KIAA1671: variants seen among roughly 807,000 people sequenced by gnomAD.
KIAA1671 encodes the protein KIAA1671.
A neutral mutation model predicts 131.2 loss-of-function variants in KIAA1671; 52 were observed. The observed-to-expected ratio is 0.40, with a 90% CI of 0.32 to 0.50. The LOEUF (loss-of-function observed/expected upper bound fraction) is 0.50. Ranked by LOEUF, KIAA1671 falls within the 20% of genes least tolerant of loss-of-function variation. The probability of loss-of-function intolerance (pLI) is 0.73; values close to 1 mark genes in which losing one functional copy is unlikely to be tolerated. For synonymous variants in KIAA1671, 1,003 were observed against 961.6 expected, an observed-to-expected ratio of 1.04 and a Z score of -0.80; for missense variants, 2,360 against 2,364.2, an observed-to-expected ratio of 1.00 and a Z score of 0.04.
intron 9 of KIAA1671, among the ~76,000 whole-genome samples, chr22:25,178,102 C>G (rs1336996749): frequency 6.6e-6 from 1 of 152,168 alleles, no homozygotes; most frequent in Non-Finnish European, 1.5e-5. Context: ...CGGGCAGCAG[C>G]TTTGGGATGG....
At chr22:24,965,449 G>C (rs1922250374) in intron 1 of KIAA1671, among the ~76,000 whole-genome samples, 1 of 150,688 alleles carries the variant, frequency 6.6e-6, no homozygotes, top group African/African-American at 2.4e-5. Flanking sequence ...CCCATAAAAA[G>C]ATGAGCTTAG....
chr22:25,193,064 G>A lies in KIAA1671; in HGVS notation c.*663G>A, dbSNP rs1367359712. The A allele has an allele frequency of 6.6e-6, 1 of 151,946 alleles. No homozygotes were observed. The highest frequency in any genetic ancestry group is 2.4e-5 in the African/African-American group (1 of 41,368). The allele number at this position is 151,946 out of a possible 1,614,324, so 9.4% of individuals were successfully genotyped here. On this transcript the variant is annotated 3_prime_UTR_variant, in exon 13 of 13. Transcript: ENST00000358431. ...GCCTATGTTATTGTATGTCATTTTTGTTTGCTTTAGAAGGCGATAAAGCAA... is the reference window on the plus strand; with the variant it reads ...GCCTATGTTATTGTATGTCATTTTTATTTGCTTTAGAAGGCGATAAAGCAA...
chr22:25,025,926 A>G (rs1925924251), intron 2 of KIAA1671, 142 bp downstream of exon 2: 2 of 152,162 alleles, frequency 1.3e-5, no homozygotes, highest in Non-Finnish European at 2.9e-5. Flanking sequence ...TGGCTATTAC[A>G]TATGTATCCT....
intron 1 of KIAA1671, among the ~76,000 whole-genome samples, chr22:24,989,560 G>A (rs190677502): frequency 3.9e-5 from 6 of 152,250 alleles, no homozygotes; most frequent in Admixed American, 2.6e-4. Flanking sequence ...TGAAAATTCT[G>A]AACTCCTAAG....
At chr22:25,034,373 G>A (rs1425807415) in intron 4 of KIAA1671, among the ~76,000 whole-genome samples, 1 of 151,842 alleles carries the variant, frequency 6.6e-6, no homozygotes, top group Non-Finnish European at 1.5e-5. Context: ...CCCTTCCCCT[G>A]CTCTTCCCAG....
chr22:25,196,745 C>T lies in KIAA1671; in HGVS notation c.*4344C>T, dbSNP rs1389580201. 6.6e-6 allele frequency: 1 copy of T among 152,084 alleles called. No homozygotes were observed. Among genetic ancestry groups the T allele is most frequent in the East Asian group, 1.9e-4 (1 of 5,184 alleles). The allele number at this position is 152,084 out of a possible 1,614,324, so 9.4% of individuals were successfully genotyped here. A position where few individuals can be genotyped will look rare whatever the true frequency, so the allele number is the denominator to read the frequency against. ...GCCACCATGCCCAGCTGAATTTGAG[C>T]TTTTTAATAATCTCATTCCACATAG... On this transcript the variant is annotated 3_prime_UTR_variant, in exon 13 of 13. Coordinates refer to ENST00000358431, the MANE Select transcript of KIAA1671 (RefSeq NM_001145206.2).
chr22:25,083,032 T>C (rs1350982336), intron 6 of KIAA1671, among the ~76,000 whole-genome samples: 2 of 152,232 alleles, frequency 1.3e-5, no homozygotes, highest in African/African-American at 4.8e-5. Flanking sequence ...GAGATTTTTA[T>C]TTTGCTCCTC....
intron 1 of KIAA1671, among the ~76,000 whole-genome samples, chr22:25,021,113 G>A (rs1335565466): frequency 6.6e-6 from 1 of 152,104 alleles, no homozygotes; most frequent in Non-Finnish European, 1.5e-5. Context: ...CATACAGGCG[G>A]GAGGGCTGTG....
At chr22:24,961,229 A>G (rs1373115757) in intron 1 of KIAA1671, among the ~76,000 whole-genome samples, 1 of 152,122 alleles carries the variant, frequency 6.6e-6, no homozygotes, top group Non-Finnish European at 1.5e-5. Flanking sequence ...CAAACTCCTC[A>G]AGCGATCCTG....
rs187574723 is a variant in KIAA1671, at chr22:24,985,067, G to T, written c.-208+32295G>T. ...CCAACTGTTCCAGAAGCACGGAGCT[G>T]CTGTCTCTCTGATTTTTTGGATATA... On this transcript the variant is annotated intron_variant, in intron 1 of 12. Transcript: ENST00000358431. Among the ~76,000 whole-genome samples, 307 of 152,082 alleles carry T rather than the reference G, an allele frequency of 2.0e-3. 1 individual carries two copies. Among genetic ancestry groups the T allele is most frequent in the Non-Finnish European group, 3.7e-3 (253 of 67,882 alleles).
chr22:24,953,674 C>T (rs548062796), intron 1 of KIAA1671, among the ~76,000 whole-genome samples: 8 of 152,100 alleles, frequency 5.3e-5, no homozygotes, highest in African/African-American at 1.7e-4. Context: ...CTGACCTTTT[C>T]ACACCCTGCT....
chr22:25,180,278 C>T (rs957422910), intron 9 of KIAA1671, among the ~76,000 whole-genome samples: 18 of 152,228 alleles, frequency 1.2e-4, no homozygotes, highest in African/African-American at 1.7e-4. Context: ...TGGTGGCTCA[C>T]GCCTGTAATC....
chr22:24,963,689 C>T (rs575311536), intron 1 of KIAA1671, among the ~76,000 whole-genome samples: 1 of 152,094 alleles, frequency 6.6e-6, no homozygotes, highest in East Asian at 1.9e-4. Flanking sequence ...ACCTGTAATC[C>T]CAGCACTTTG....
intron 1 of KIAA1671, among the ~76,000 whole-genome samples, chr22:25,000,042 G>A (rs1924356924): frequency 6.6e-6 from 1 of 151,694 alleles, no homozygotes; most frequent in South Asian, 2.1e-4. Flanking sequence ...CTGCCACCAC[G>A]CCCAGCTAAT....
chr22:25,028,069 A>G lies in KIAA1671; in HGVS notation c.70A>G (p.Lys24Glu). ...TAVPGLGEMG[K>E]EETLTRTYFL... is the part of the protein sequence containing the mutation. ...CGTGCCAGGCCTGGGTGAGATGGGC[A>G]AGGAGGAGACCCTGACGAGGACCTA... The change falls in exon 3 of 13, where the codon AAG becomes GAG. Residue 24 changes from lysine (K) to glutamate (E), a missense_variant. Physicochemically the swap from Lys to Glu is moderately conservative, Grantham distance 56 (BLOSUM62 1). Transcript: ENST00000358431. 4 of 1,549,744 alleles carry G rather than the reference A, an allele frequency of 2.6e-6. No homozygotes were observed. The highest frequency in any genetic ancestry group is 3.5e-6 in the Non-Finnish European group (4 of 1,145,976).
chr22:24,957,301 C>A (rs1243532031), intron 1 of KIAA1671, among the ~76,000 whole-genome samples: 4 of 152,124 alleles, frequency 2.6e-5, no homozygotes, highest in Non-Finnish European at 1.5e-5. Context: ...CTGGCAAAGG[C>A]ATAGATCGCC....
intron 1 of KIAA1671, among the ~76,000 whole-genome samples, chr22:25,015,485 T>C (rs2123882224): frequency 6.6e-6 from 1 of 152,204 alleles, no homozygotes; most frequent in Non-Finnish European, 1.5e-5. Context: ...CAATGAAAGT[T>C]GAAAAGGCGG....
In KIAA1671 at chr22:24,989,444, T is replaced by C. The variant is rs191044717; in HGVS notation, c.-207-36189T>C. Among the ~76,000 whole-genome samples, 490 of 152,312 alleles carry C rather than the reference T, an allele frequency of 3.2e-3. 1 individual carries two copies. The highest frequency in any genetic ancestry group is 0.011 in the African/African-American group (470 of 41,574). On this transcript the variant is annotated intron_variant, in intron 1 of 12. Transcript: ENST00000358431. ...ATCTAGAGTTGCTGCCCCTCCACCC[T>C]GACTTCTTATAACCCTTGCTCTATC...
chr22:25,126,603 T>C (rs1392532747), intron 6 of KIAA1671, among the ~76,000 whole-genome samples: 2 of 152,244 alleles, frequency 1.3e-5, no homozygotes, highest in African/African-American at 4.8e-5. Flanking sequence ...GAGGAGTTCC[T>C]GAGCCTTGGT....
Sources: allele counts gnomAD v4.1 joint callset (sites outside exome capture counted in the v4.1 genomes callset), GRCh38; gene constraint gnomAD v4.1.1; transcripts MANE v1.5; gene names NCBI Gene and HGNC (gene_info 2026-07-23, HGNC 2026-07-21).